CRLF2: variants seen among roughly 807,000 people sequenced by gnomAD.
CRLF2 encodes the protein cytokine receptor like factor 2.
CRLF2 carries 41 observed loss-of-function variants against 38.7 expected under a neutral mutation model. The observed-to-expected ratio is 1.06, with a 90% CI of 0.83 to 1.37. The LOEUF (loss-of-function observed/expected upper bound fraction) is 1.37. Among genes scored for constraint, CRLF2 ranks in the 40% most tolerant of loss-of-function variants. The probability of loss-of-function intolerance (pLI) is 0.00; values close to 1 mark genes in which losing one functional copy is unlikely to be tolerated. For missense variants in CRLF2, 377 were observed against 322.2 expected (o/e 1.17, Z -1.30); for synonymous variants, 140 against 128.8 (o/e 1.09, Z -0.59).
intron 7 of CRLF2, among the ~76,000 whole-genome samples, chrX:1,191,817 C>T (rs1330782611): frequency 1.5e-4 from 23 of 152,086 alleles, no homozygotes; most frequent in Non-Finnish European, 3.1e-4. Context: ...AGGTGCGAGC[C>T]ACCGTGCCTG....
At chrX:1,194,499 G>A (rs1321286585) in intron 6 of CRLF2, among the ~76,000 whole-genome samples, 1 of 152,008 alleles carries the variant, frequency 6.6e-6, no homozygotes, top group East Asian at 1.9e-4. Flanking sequence ...AGGTGTGACG[G>A]ACAGTGAGCC....
At chrX:1,200,742 G>T (rs1345837250) in intron 4 of CRLF2, among the ~76,000 whole-genome samples, 60,973 of 124,550 alleles carry the variant, frequency 0.49, 17,698 homozygotes, top group East Asian at 0.69. Context: ...AATATGCATA[G>T]ATAAGGTATG....
intron 5 of CRLF2, among the ~76,000 whole-genome samples, chrX:1,197,244 C>T (rs1177435527): frequency 6.6e-5 from 10 of 151,600 alleles, no homozygotes; most frequent in African/African-American, 2.4e-4. Flanking sequence ...AGGCATCCGC[C>T]ACCACACCGG....
intron 7 of CRLF2, 45 bp downstream of exon 7, chrX:1,193,173 C>A (rs1489110558): frequency 5.0e-6 from 2 of 398,258 alleles, no homozygotes; most frequent in African/African-American, 4.1e-5. Context: ...CAGAGGGGCA[C>A]CTGCTTGGTG....
intron 7 of CRLF2, among the ~76,000 whole-genome samples, chrX:1,191,537 T>C (rs1258670031): frequency 6.7e-6 from 1 of 148,484 alleles, no homozygotes; most frequent in Non-Finnish European, 1.5e-5. Context: ...AAAAATAAAT[T>C]TTTTTTTTTT....
At chrX:1,200,553 TA>T in intron 4 of CRLF2, among the ~76,000 whole-genome samples, 2 of 141,944 alleles carry the variant, frequency 1.4e-5, no homozygotes, top group African/African-American at 5.1e-5. Context: ...TGTGTGGGTA[TA>T]TATATGTGTA....
At chrX:1,203,023 G>C (rs1211420928) in intron 3 of CRLF2, among the ~76,000 whole-genome samples, 1 of 148,536 alleles carries the variant, frequency 6.7e-6, no homozygotes, top group Non-Finnish European at 1.5e-5. Flanking sequence ...GCTTGAACCG[G>C]GGAGGCGGAG....
At chrX:1,199,544 A>T (rs2086562989) in intron 4 of CRLF2, among the ~76,000 whole-genome samples, 1 of 151,452 alleles carries the variant, frequency 6.6e-6, no homozygotes, top group African/African-American at 2.4e-5. Context: ...CAGGTGATCC[A>T]CCCTCCTCGG....
At chrX:1,193,717 G>C (rs2086432703) in intron 6 of CRLF2, among the ~76,000 whole-genome samples, 1 of 149,970 alleles carries the variant, frequency 6.7e-6, no homozygotes, top group Non-Finnish European at 1.5e-5. Flanking sequence ...GGGAGGTGGA[G>C]GTTTCAGTGA....
At chrX:1,208,055 C>T (rs2086723974) in intron 2 of CRLF2, among the ~76,000 whole-genome samples, 1 of 152,124 alleles carries the variant, frequency 6.6e-6, no homozygotes. Context: ...AATGTTCGTA[C>T]GCATACTTCT....
At chrX:1,198,810 C>T in intron 4 of CRLF2, 86 bp from the exon 5 acceptor site, 1 of 1,300,724 alleles carries the variant, frequency 7.7e-7, no homozygotes, top group South Asian at 1.3e-5. Flanking sequence ...CCTGTCTGTC[C>T]AGAGTTTTCC....
At position 1,191,178 on chromosome X, in the gene CRLF2, C is replaced by G; in HGVS notation, c.853-18G>C. On this transcript the variant is annotated intron_variant, in intron 7 of 7. Coordinates refer to ENST00000400841, the MANE Select transcript of CRLF2 (RefSeq NM_022148.4). ...ATCCACTCCTACCAGGAAGAACATTCTAGCTCAAACACAGTGGACACACCA... is the reference window on the plus strand; with the variant it reads ...ATCCACTCCTACCAGGAAGAACATTGTAGCTCAAACACAGTGGACACACCA... 1 of 398,676 alleles carries G rather than the reference C, an allele frequency of 2.5e-6. No homozygotes were observed. The highest frequency in any genetic ancestry group is 4.4e-6 in the Non-Finnish European group (1 of 226,140). 24.7% of individuals were successfully genotyped at this position (398,676 alleles called of 1,614,324 possible).
At chrX:1,192,844 C>G (rs1193120736) in intron 7 of CRLF2, among the ~76,000 whole-genome samples, 7 of 147,462 alleles carry the variant, frequency 4.7e-5, no homozygotes, top group African/African-American at 1.5e-4. Flanking sequence ...GACAGAGTCT[C>G]ACTCTGTCAC....
In CRLF2 at chrX:1,206,531, C is replaced by A. The variant is rs1224298435; in HGVS notation, c.251G>T (p.Cys84Phe). 1 of 1,613,570 alleles carries A rather than the reference C, an allele frequency of 6.2e-7. No homozygotes were observed. The highest frequency in any genetic ancestry group is 1.7e-5 in the Admixed American group (1 of 59,986). The change falls in exon 3 of 8, where the codon TGC becomes TTC. Residue 84 changes from cysteine to phenylalanine, a missense_variant. Physicochemically the swap from Cys to Phe is radical, Grantham distance 205. Coordinates refer to ENST00000400841, the MANE Select transcript of CRLF2 (RefSeq NM_022148.4). ...GTCTCGCTGCTCTGCGTCTAGGAGG[C>A]ACCCCGAAGTGTGACCTTCCTGGAG... is the stretch of plus-strand genomic sequence containing the variant. Reference protein sequence around the residue: ...YLLQEGHTSGCLLDAEQRDDI... With the variant: ...YLLQEGHTSGFLLDAEQRDDI...
intron 6 of CRLF2, among the ~76,000 whole-genome samples, chrX:1,193,684 A>C (rs2086432094): frequency 6.8e-6 from 1 of 146,402 alleles, no homozygotes; most frequent in African/African-American, 2.5e-5. Context: ...CGGGAGGCTG[A>C]GGCTGGAGAA....
chrX:1,194,076 G>T (rs1239914145), intron 6 of CRLF2, among the ~76,000 whole-genome samples: 2 of 151,848 alleles, frequency 1.3e-5, no homozygotes, highest in Non-Finnish European at 2.9e-5. Context: ...AGTGATCTGA[G>T]ATTGTGCCAC....
At chrX:1,201,461 G>A (rs1569470219) in intron 4 of CRLF2, among the ~76,000 whole-genome samples, 1 of 151,624 alleles carries the variant, frequency 6.6e-6, no homozygotes, top group East Asian at 1.9e-4. Context: ...AGAGTTGATA[G>A]ATGATACATA....
intron 5 of CRLF2, 82 bp downstream of exon 5, chrX:1,198,480 C>G (rs1483267780): frequency 7.0e-7 from 1 of 1,423,790 alleles, no homozygotes; most frequent in African/African-American, 1.4e-5. Context: ...CACCCTCCCT[C>G]CCACCTCCCG....
At chrX:1,201,792 G>C (rs1183731684) in intron 4 of CRLF2, among the ~76,000 whole-genome samples, 1 of 143,652 alleles carries the variant, frequency 7.0e-6, no homozygotes, top group Non-Finnish European at 1.5e-5. Flanking sequence ...GTAGAATAGA[G>C]ATAATGGGTA....
Sources: gnomAD v4.1 joint callset for allele counts (sites outside exome capture counted in the v4.1 genomes callset) on GRCh38, gnomAD v4.1.1 for gene constraint, MANE v1.5 for transcripts, NCBI Gene and HGNC (gene_info 2026-07-23, HGNC 2026-07-21) for gene names.